ACAA2: variants seen among roughly 807,000 people sequenced by gnomAD.
ACAA2 encodes the protein 3-ketoacyl-CoA thiolase, mitochondrial.
A neutral mutation model predicts 44.8 loss-of-function variants in ACAA2; 35 were observed. That is an observed-to-expected ratio of 0.78 (90% CI 0.60 to 1.04). The LOEUF (loss-of-function observed/expected upper bound fraction) is 1.04, where lower values mean the gene tolerates loss of function less well. ACAA2 is among the 50% of genes least tolerant of loss of function. ACAA2 has a pLI of 0.00. For missense variants in ACAA2, 468 were observed against 482.6 expected (o/e 0.97, Z 0.28); for synonymous variants, 142 against 166.5 (o/e 0.85, Z 1.13).
chr18:49,797,686 C>A (rs762899539), intron 2 of ACAA2, 92 bp from the exon 3 acceptor site: 450 of 1,096,154 alleles, frequency 4.1e-4, no homozygotes, highest in Non-Finnish European at 5.1e-4. Context: ...GGCAATCTAT[C>A]AAAAATGATA....
chr18:49,800,916 G>T (rs913049733), intron 2 of ACAA2, among the ~76,000 whole-genome samples: 11 of 145,274 alleles, frequency 7.6e-5, no homozygotes, highest in African/African-American at 2.8e-4. Flanking sequence ...AAAATCCACA[G>T]CTATCATCAT....
chr18:49,787,150 T>C, intron 8 of ACAA2, 141 bp downstream of exon 8: 1 of 574,148 alleles, frequency 1.7e-6, no homozygotes. Context: ...AAGGTACTAT[T>C]TATTTAGATG....
chr18:49,791,113 G>A (rs2023393195), intron 7 of ACAA2, among the ~76,000 whole-genome samples: 3 of 152,252 alleles, frequency 2.0e-5, no homozygotes, highest in African/African-American at 7.2e-5. Context: ...TTCACCCCAG[G>A]ATTTCTCCCA....
In ACAA2 at chr18:49,813,520, G is replaced by A. The variant is rs2023696530; in HGVS notation, c.-36C>T. 8.1e-7 allele frequency: 1 copy of A among 1,238,314 alleles called. No individual in the cohort carries two copies. The highest frequency in any genetic ancestry group is 1.0e-6 in the Non-Finnish European group (1 of 988,036). The allele number at this position is 1,238,314 out of a possible 1,614,324, so 76.7% of individuals were successfully genotyped here. A position where few individuals can be genotyped will look rare whatever the true frequency, so the allele number is the denominator to read the frequency against. ...GGGTCGTCGGCGGCGCGGGTCTGTGGTGTGGGGGACGCTGAGCGGCCGCTC... is the reference window on the plus strand; with the variant it reads ...GGGTCGTCGGCGGCGCGGGTCTGTGATGTGGGGGACGCTGAGCGGCCGCTC... On this transcript the variant is annotated 5_prime_UTR_variant, in exon 1 of 10. Coordinates refer to ENST00000285093, the MANE Select transcript of ACAA2 (RefSeq NM_006111.3).
chr18:49,796,281 CAG>C (rs1409933448), intron 3 of ACAA2, among the ~76,000 whole-genome samples: 1 of 152,078 alleles, frequency 6.6e-6, no homozygotes, highest in Non-Finnish European at 1.5e-5. Flanking sequence ...TGAACAAGAA[CAG>C]AGATTTACAA....
rs540900885 is a variant in ACAA2 at position 49,810,649 on chromosome 18, G to C, written c.16+2820C>G. Among the ~76,000 whole-genome samples the C allele has an allele frequency of 6.6e-5, 10 of 152,150 alleles. No homozygotes were observed. In the East Asian group the frequency reaches 1.9e-3, roughly 29 times the overall value. ...TGAACTAAAACAATTATTTTGAACAGAGAAAATGTTCTCAATCATATATTT... is the reference window on the plus strand; with the variant it reads ...TGAACTAAAACAATTATTTTGAACACAGAAAATGTTCTCAATCATATATTT... On this transcript the variant is annotated intron_variant, in intron 1 of 9. Transcript: ENST00000285093.
Position 49,785,925 on chromosome 18 carries a change from C to T in ACAA2, c.955-574G>A, listed in dbSNP as rs2023323401. Reference sequence around the variant, plus strand: ...TGACACACAACAAAGAATAAACCTTCAAAGCCACGTACATAAAGGGAACAG... The same window carrying T: ...TGACACACAACAAAGAATAAACCTTTAAAGCCACGTACATAAAGGGAACAG... On this transcript the variant is annotated intron_variant, in intron 8 of 9. Transcript: ENST00000285093. 3 of 152,494 alleles carry T rather than the reference C, an allele frequency of 2.0e-5. No homozygotes were observed. The South Asian group carries it at 6.2e-4, about 32-fold the overall frequency. 9.4% of individuals were successfully genotyped at this position (152,494 alleles called of 1,614,324 possible). A position where few individuals can be genotyped will look rare whatever the true frequency, so the allele number is the denominator to read the frequency against.
chr18:49,784,131 ACAAAG>A (rs1325691196), intron 9 of ACAA2, among the ~76,000 whole-genome samples, 200 bp from the exon 10 acceptor site: 1 of 149,462 alleles, frequency 6.7e-6, no homozygotes, highest in African/African-American at 2.5e-5. Flanking sequence ...AAAACAAAAA[ACAAAG>A]AACAAAAACA....
chr18:49,784,043 A>G, intron 9 of ACAA2, 112 bp from the exon 10 acceptor site: 1 of 845,454 alleles, frequency 1.2e-6, no homozygotes, highest in Non-Finnish European at 1.9e-6. Flanking sequence ...CATCTGCTCA[A>G]TCTTTTCCCC....
At chr18:49,802,904 C>G in intron 1 of ACAA2, 51 bp from the exon 2 acceptor site, 1 of 1,576,808 alleles carries the variant, frequency 6.3e-7, no homozygotes, top group Non-Finnish European at 8.7e-7. Context: ...GTAAATACCT[C>G]TAAATGCTTC....
chr18:49,805,326 A>C (rs905918375), intron 1 of ACAA2, among the ~76,000 whole-genome samples: 2 of 152,188 alleles, frequency 1.3e-5, no homozygotes, highest in African/African-American at 2.4e-5. Context: ...CTATTTTGAG[A>C]AATTTGCAGT....
intron 8 of ACAA2, chr18:49,786,685 T>C (rs1442495722): frequency 1.3e-5 from 2 of 152,224 alleles, no homozygotes; most frequent in African/African-American, 2.4e-5. Context: ...AAGTGTGGAA[T>C]GTATATAACC....
intron 5 of ACAA2, among the ~76,000 whole-genome samples, chr18:49,793,209 A>T (rs1420325954): frequency 6.6e-6 from 1 of 152,240 alleles, no homozygotes; most frequent in Non-Finnish European, 1.5e-5. Context: ...TAAGTAAAAC[A>T]TCTTACCTAC....
intron 8 of ACAA2, chr18:49,786,156 T>G (rs1454429511): frequency 6.6e-6 from 1 of 152,176 alleles, no homozygotes; most frequent in Non-Finnish European, 1.5e-5. Context: ...TACTATACTT[T>G]GTGGTCTCTC....
chr18:49,785,449 T>C (rs574114683), intron 8 of ACAA2, 98 bp from the exon 9 acceptor site: 1 of 1,190,118 alleles, frequency 8.4e-7, no homozygotes, highest in Admixed American at 2.6e-5. Context: ...GTCTGCTGTT[T>C]CTTCCTATTT....
At chr18:49,799,548 G>A (rs550993738) in intron 2 of ACAA2, among the ~76,000 whole-genome samples, 9 of 152,278 alleles carry the variant, frequency 5.9e-5, no homozygotes, top group East Asian at 3.9e-4. Context: ...GTGCAGTGGC[G>A]TGATCTCTGC....
At chr18:49,784,908 C>A (rs1568583853) in intron 9 of ACAA2, among the ~76,000 whole-genome samples, 1 of 152,092 alleles carries the variant, frequency 6.6e-6, no homozygotes, top group African/African-American at 2.4e-5. Flanking sequence ...AGAAGCAGGG[C>A]CTCATTATCT....
chr18:49,784,176 G>A (rs116670740), intron 9 of ACAA2, among the ~76,000 whole-genome samples: 2,260 of 152,204 alleles, frequency 0.015, 47 homozygotes, highest in African/African-American at 0.052. Context: ...AAACTAAAAA[G>A]GAGATGAGTG....
intron 9 of ACAA2, among the ~76,000 whole-genome samples, chr18:49,784,147 A>C (rs1333045109): frequency 2.0e-5 from 3 of 152,168 alleles, no homozygotes; most frequent in Non-Finnish European, 4.4e-5. Flanking sequence ...AACAAAAACA[A>C]ACACCAGAAG....
Sources: gnomAD v4.1 joint callset for allele counts (sites outside exome capture counted in the v4.1 genomes callset) on GRCh38, gnomAD v4.1.1 for gene constraint, MANE v1.5 for transcripts, NCBI Gene and HGNC (gene_info 2026-07-23, HGNC 2026-07-21) for gene names.